The following SETBP1 variants were observed in gnomAD, a reference collection of about 807,000 sequenced individuals.
The protein encoded by SETBP1 is SET-binding protein.
A neutral mutation model predicts 101.0 loss-of-function variants in SETBP1; 9 were observed. The observed-to-expected ratio is 0.09, with a 90% CI of 0.05 to 0.16. SETBP1 has a LOEUF of 0.16. Among genes scored for constraint, SETBP1 ranks in the 10% least tolerant of loss-of-function variants. The pLI, the probability that SETBP1 is intolerant of heterozygous loss-of-function variation, is 1.00. For synonymous variants in SETBP1, 818 were observed against 788.5 expected (o/e 1.04, Z -0.63); for missense variants, 1,858 against 2,033.8 (o/e 0.91, Z 1.66).
intron 1 of SETBP1, chr18:44,697,263 A>C (rs574906083): frequency 6.6e-6 from 1 of 152,388 alleles, no homozygotes; most frequent in Admixed American, 6.5e-5. Flanking sequence ...TTGAGCTGTG[A>C]ATTTGGGGAG....
intron 2 of SETBP1, among the ~76,000 whole-genome samples, chr18:44,807,532 T>C (rs751321409): frequency 1.3e-4 from 20 of 152,186 alleles, no homozygotes; most frequent in Admixed American, 3.3e-4. Context: ...CTTAGCAGTT[T>C]CACTTTGATT....
At chr18:44,971,934 G>T (rs1449086522) in intron 4 of SETBP1, among the ~76,000 whole-genome samples, 1 of 152,162 alleles carries the variant, frequency 6.6e-6, no homozygotes, top group African/African-American at 2.4e-5. Context: ...TGGTGTTTTA[G>T]ACATGAAGTC....
chr18:44,972,860 C>G (rs1392757903), intron 4 of SETBP1, among the ~76,000 whole-genome samples: 1 of 152,160 alleles, frequency 6.6e-6, no homozygotes, highest in Non-Finnish European at 1.5e-5. Context: ...TAGTTGAATA[C>G]CCTTTATTTC....
rs540342234 is a variant in SETBP1 at position 44,829,054 on chromosome 18, A to G, written c.487-40176A>G. On this transcript the variant is annotated intron_variant, in intron 2 of 5. Coordinates refer to ENST00000649279, the MANE Select transcript of SETBP1 (RefSeq NM_015559.3). ...AGACATTTTTCTGGTTACATCTACC[A>G]GATAAATGGAAAAGAGTGAAAAACA... Among the ~76,000 whole-genome samples the G allele has an allele frequency of 3.9e-5, 6 of 152,376 alleles. 1 individual carries two copies. The highest frequency in any genetic ancestry group is 1.4e-4 in the African/African-American group (6 of 41,586).
At chr18:44,761,346 TA>T (rs2144588858) in intron 2 of SETBP1, among the ~76,000 whole-genome samples, 1 of 152,228 alleles carries the variant, frequency 6.6e-6, no homozygotes, top group East Asian at 1.9e-4. Context: ...CCCTACAGTG[TA>T]ATAGAATACC....
chr18:44,741,186 A>G (rs1351252491), intron 2 of SETBP1, among the ~76,000 whole-genome samples: 1 of 152,220 alleles, frequency 6.6e-6, no homozygotes, highest in African/African-American at 2.4e-5. Context: ...TGCTAAGGGC[A>G]CCAAGATCAA....
At chr18:44,863,997 G>A (rs2069074307) in intron 2 of SETBP1, among the ~76,000 whole-genome samples, 1 of 152,090 alleles carries the variant, frequency 6.6e-6, no homozygotes, top group African/African-American at 2.4e-5. Flanking sequence ...TCTGGGTTCA[G>A]CCAGAGCAAT....
At chr18:44,979,820 A>C (rs1270049986) in intron 4 of SETBP1, among the ~76,000 whole-genome samples, 2 of 152,226 alleles carry the variant, frequency 1.3e-5, no homozygotes, top group African/African-American at 4.8e-5. Flanking sequence ...TATTGCACAT[A>C]TTGGCTCACA....
At position 44,961,451 on chromosome 18, in the gene SETBP1, G is replaced by C. The variant is rs757402329; in HGVS notation, c.4000+8111G>C. Among the ~76,000 whole-genome samples the C allele has an allele frequency of 5.2e-4, 79 of 152,180 alleles. 1 individual carries two copies. Among genetic ancestry groups the C allele is most frequent in the Non-Finnish European group, 2.1e-4 (14 of 68,034 alleles). On this transcript the variant is annotated intron_variant, in intron 4 of 5. Transcript: ENST00000649279. The stretch of plus-strand genomic sequence containing the variant: ...GTTAATGAATAAGTGGATGATGAGA[G>C]AATGGGGGCTGCAGGTGCAGAAAAT...
chr18:44,809,359 A>G (rs769886399), intron 2 of SETBP1, among the ~76,000 whole-genome samples: 4 of 152,238 alleles, frequency 2.6e-5, no homozygotes, highest in Admixed American at 2.6e-4. Context: ...ATGAAGAAAA[A>G]AAGAAATTCA....
chr18:44,892,082 T>C (rs1251638425), intron 3 of SETBP1, among the ~76,000 whole-genome samples: 1 of 152,146 alleles, frequency 6.6e-6, no homozygotes, highest in East Asian at 1.9e-4. Flanking sequence ...TCCTGAATAA[T>C]CCTTTTACAT....
At chr18:44,735,256 A>G (rs1325241001) in intron 2 of SETBP1, among the ~76,000 whole-genome samples, 1 of 152,228 alleles carries the variant, frequency 6.6e-6, no homozygotes, top group Admixed American at 6.5e-5. Context: ...TTGGCTCTGC[A>G]TTAGGAGGCA....
intron 3 of SETBP1, among the ~76,000 whole-genome samples, chr18:44,903,956 C>G (rs889653818): frequency 6.6e-6 from 1 of 152,090 alleles, no homozygotes; most frequent in African/African-American, 2.4e-5. Context: ...TAGCTTGTCT[C>G]CATATTAAAT....
At chr18:44,916,154 A>C (rs2070421274) in intron 3 of SETBP1, among the ~76,000 whole-genome samples, 1 of 152,172 alleles carries the variant, frequency 6.6e-6, no homozygotes, top group South Asian at 2.1e-4. Context: ...TGAATCTGGC[A>C]GGAGGAGATT....
chr18:44,717,914 C>CTGTG (rs5824555), intron 2 of SETBP1, among the ~76,000 whole-genome samples: 55 of 150,574 alleles, frequency 3.7e-4, no homozygotes, highest in South Asian at 1.9e-3. Flanking sequence ...ATATATGCAT[C>CTGTG]TGTGTGTGTG....
chr18:44,939,221 C>T (rs1399487422), intron 3 of SETBP1, among the ~76,000 whole-genome samples: 1 of 151,986 alleles, frequency 6.6e-6, no homozygotes, highest in Admixed American at 6.6e-5. Context: ...TCCCTCATGC[C>T]CATGCCAGCC....
intron 2 of SETBP1, among the ~76,000 whole-genome samples, chr18:44,758,696 A>G (rs188639511): frequency 6.2e-4 from 94 of 152,308 alleles, no homozygotes; most frequent in African/African-American, 2.2e-3. Context: ...AGATTTTTAA[A>G]AAGATCTTGC....
At chr18:44,763,731 A>G (rs893334983) in intron 2 of SETBP1, among the ~76,000 whole-genome samples, 2 of 152,218 alleles carry the variant, frequency 1.3e-5, no homozygotes, top group Non-Finnish European at 2.9e-5. Flanking sequence ...CTGACCTCAC[A>G]GTCTCATTTG....
At chr18:44,902,022 T>C (rs1192008563) in intron 3 of SETBP1, among the ~76,000 whole-genome samples, 1 of 152,174 alleles carries the variant, frequency 6.6e-6, no homozygotes, top group African/African-American at 2.4e-5. Flanking sequence ...TTTCATGTAG[T>C]AGCCAGTAGC....
Sources: gnomAD v4.1 joint callset for allele counts (sites outside exome capture counted in the v4.1 genomes callset) on GRCh38, gnomAD v4.1.1 for gene constraint, MANE v1.5 for transcripts, NCBI Gene and HGNC (gene_info 2026-07-23, HGNC 2026-07-21) for gene names.